COX7A2L: variants seen among roughly 807,000 people sequenced by gnomAD.
COX7A2L encodes the protein cytochrome c oxidase subunit 7A2 like, also known as cytochrome c oxidase subunit 7A2-like, mitochondrial.
COX7A2L carries 18 observed loss-of-function variants against 14.2 expected under a neutral mutation model. The observed-to-expected ratio is 1.27, with a 90% CI of 0.88 to 1.88. The LOEUF is 1.88. Among genes scored for constraint, COX7A2L ranks in the 40% most tolerant of loss-of-function variants. The pLI, the probability that COX7A2L is intolerant of heterozygous loss-of-function variation, is 0.00. For synonymous variants in COX7A2L, 65 were observed against 57.4 expected (o/e 1.13, Z -0.60); for missense variants, 179 against 138.8 (o/e 1.29, Z -1.46).
chr2:42,361,046 G>A, intron 1 of COX7A2L, 44 bp downstream of exon 1: 1 of 1,604,992 alleles, frequency 6.2e-7, no homozygotes, highest in Non-Finnish European at 8.5e-7. Flanking sequence ...CCGAGGCTAG[G>A]GCCGCCACTT....
chr2:42,345,279 A>C (rs577244537), downstream of COX7A2L, among the ~76,000 whole-genome samples: 54 of 152,084 alleles, frequency 3.6e-4, no homozygotes, highest in Non-Finnish European at 4.1e-4. Context: ...GCTACTCAGG[A>C]GGCTGAGGCA....
chr2:42,350,517 T>C lies in COX7A2L; in HGVS notation c.*702A>G, dbSNP rs993543516. 1 of 152,216 alleles carries C rather than the reference T, an allele frequency of 6.6e-6. No individual in the cohort carries two copies. The highest frequency in any genetic ancestry group is 2.4e-5 in the African/African-American group (1 of 41,436). The allele number at this position is 152,216 out of a possible 1,614,324, so 9.4% of individuals were successfully genotyped here. A position where few individuals can be genotyped will look rare whatever the true frequency, so the allele number is the denominator to read the frequency against. ...AAACTTAAAATTTTTCATTCATGTA[T>C]TTATTCCACAGTCAAAATAAATCAA... On this transcript the variant is annotated 3_prime_UTR_variant, in exon 3 of 3. Coordinates refer to ENST00000234301, the MANE Select transcript of COX7A2L (RefSeq NM_004718.4).
intron 1 of COX7A2L, among the ~76,000 whole-genome samples, chr2:42,358,127 G>A (rs1022207411): frequency 2.2e-4 from 34 of 152,130 alleles, no homozygotes; most frequent in Non-Finnish European, 8.8e-5. Context: ...AACATGTTTC[G>A]TTTCTCTACA....
upstream of COX7A2L, chr2:42,361,493 G>A (rs1476587047): frequency 1.4e-5 from 3 of 221,394 alleles, no homozygotes; most frequent in Middle Eastern, 4.3e-4. Context: ...GCGCTCCACG[G>A]ACTAAGCCCG....
upstream of COX7A2L, among the ~76,000 whole-genome samples, chr2:42,362,234 G>A (rs1361574585): frequency 6.6e-6 from 1 of 152,178 alleles, no homozygotes; most frequent in Admixed American, 6.5e-5. Flanking sequence ...TGTCTGTTAA[G>A]CCTGTGCTGT....
intron 2 of COX7A2L, among the ~76,000 whole-genome samples, chr2:42,336,797 C>T (rs1185326807): frequency 1.3e-5 from 2 of 149,032 alleles, no homozygotes; most frequent in Non-Finnish European, 3.0e-5. Flanking sequence ...GTTGCCACCA[C>T]CTTCAAAGTG....
rs1198582581 is a variant in COX7A2L at position 42,351,446 on chromosome 2, GGTAA to G, written c.205-91_205-88del. On this transcript the variant is annotated intron_variant, in intron 2 of 2. Transcript: ENST00000234301. ...TAAAAAATAACAAATTTGTCTACTC[GGTAA>G]GTAATTCATCAACACATGACAGTGG... 8 of 1,467,112 alleles carry G rather than the reference GGTAA, an allele frequency of 5.5e-6. No homozygotes were observed. In the South Asian group the frequency reaches 6.5e-5, roughly 12 times the overall value. 90.9% of individuals were successfully genotyped at this position (1,467,112 alleles called of 1,614,324 possible).
chr2:42,340,535 G>A (rs1670381377), intron 2 of COX7A2L, among the ~76,000 whole-genome samples: 1 of 152,100 alleles, frequency 6.6e-6, no homozygotes, highest in Non-Finnish European at 1.5e-5. Context: ...CTCGGGCCTG[G>A]CCCCAGGAAT....
At position 42,358,337 on chromosome 2, in the gene COX7A2L, T is replaced by A. The variant is rs541345713; in HGVS notation, c.72+2753A>T. 5.9e-5 allele frequency among the ~76,000 whole-genome samples: 9 copies of A among 152,356 alleles called. No individual in the cohort carries two copies. The South Asian group carries it at 1.9e-3, about 32-fold the overall frequency. On this transcript the variant is annotated intron_variant, in intron 1 of 2. Coordinates refer to ENST00000234301, the MANE Select transcript of COX7A2L (RefSeq NM_004718.4). ...GCCTTTCAACCAATGGAAAATGCCATCCCACCAACTGCTTGCTGTCAAGCT... is the reference window on the plus strand; with the variant it reads ...GCCTTTCAACCAATGGAAAATGCCAACCCACCAACTGCTTGCTGTCAAGCT...
intron 1 of COX7A2L, among the ~76,000 whole-genome samples, chr2:42,356,082 T>C (rs1670810232): frequency 6.6e-6 from 1 of 152,168 alleles, no homozygotes; most frequent in Non-Finnish European, 1.5e-5. Flanking sequence ...CAGGCTGGAG[T>C]GCAGTGGCGT....
chr2:42,360,808 C>A, intron 1 of COX7A2L: 1 of 458,494 alleles, frequency 2.2e-6, no homozygotes, highest in South Asian at 2.5e-5. Flanking sequence ...CCCCCACAAA[C>A]CATCCCTTTT....
At chr2:42,357,412 G>A (rs1558634612) in intron 1 of COX7A2L, among the ~76,000 whole-genome samples, 1 of 152,124 alleles carries the variant, frequency 6.6e-6, no homozygotes, top group Non-Finnish European at 1.5e-5. Flanking sequence ...AGGCTCAAGT[G>A]ATCCTTCCGC....
downstream of COX7A2L, among the ~76,000 whole-genome samples, chr2:42,344,635 G>A (rs369487330): frequency 2.0e-5 from 3 of 151,880 alleles, no homozygotes; most frequent in East Asian, 3.9e-4. Context: ...GGCAGATCCC[G>A]AGGTCAGGAG....
intron 2 of COX7A2L, among the ~76,000 whole-genome samples, chr2:42,340,380 C>T (rs1159233678): frequency 3.9e-5 from 6 of 152,208 alleles, no homozygotes; most frequent in Non-Finnish European, 8.8e-5. Context: ...TCTTAATTAT[C>T]AATTGTTGTA....
At chr2:42,363,359 G>C (rs1327678124), upstream of COX7A2L, among the ~76,000 whole-genome samples, 3 of 152,178 alleles carry the variant, frequency 2.0e-5, no homozygotes, top group Non-Finnish European at 4.4e-5. Flanking sequence ...AATGATTTGG[G>C]ACAGCTACTG....
intron 2 of COX7A2L, among the ~76,000 whole-genome samples, chr2:42,351,912 G>C (rs180884465): frequency 6.6e-6 from 1 of 152,194 alleles, no homozygotes; most frequent in African/African-American, 2.4e-5. Flanking sequence ...GAGCCCAAGA[G>C]GTCAAGGATG....
intron 2 of COX7A2L, among the ~76,000 whole-genome samples, chr2:42,335,999 G>A (rs1670262497): frequency 6.6e-6 from 1 of 152,186 alleles, no homozygotes; most frequent in Non-Finnish European, 1.5e-5. Context: ...CTCTGACCAT[G>A]GGCACAGAAG....
At chr2:42,363,875 G>A (rs1287977373), upstream of COX7A2L, among the ~76,000 whole-genome samples, 1 of 152,148 alleles carries the variant, frequency 6.6e-6, no homozygotes, top group East Asian at 1.9e-4. Context: ...TCCAGCTCCT[G>A]GTGAATCTGA....
rs1670590161 is a variant in COX7A2L, at chr2:42,350,036, T to C, written c.*1183A>G. Reference sequence around the variant, plus strand: ...TTTCAAAATAAAAACTTGGAGGAAATACCAGAGAATAAAATTTAGATTTGC... The same window carrying C: ...TTTCAAAATAAAAACTTGGAGGAAACACCAGAGAATAAAATTTAGATTTGC... On this transcript the variant is annotated 3_prime_UTR_variant, in exon 3 of 3. Coordinates refer to ENST00000234301, the MANE Select transcript of COX7A2L (RefSeq NM_004718.4). 6.6e-6 allele frequency: 1 copy of C among 150,658 alleles called. No homozygotes were observed. Among genetic ancestry groups the C allele is most frequent in the Non-Finnish European group, 1.5e-5 (1 of 67,760 alleles). The allele number at this position is 150,658 out of a possible 1,614,324, so 9.3% of individuals were successfully genotyped here. A position where few individuals can be genotyped will look rare whatever the true frequency, so the allele number is the denominator to read the frequency against.
Sources: allele counts gnomAD v4.1 joint callset (sites outside exome capture counted in the v4.1 genomes callset), GRCh38; gene constraint gnomAD v4.1.1; transcripts MANE v1.5; gene names NCBI Gene and HGNC (gene_info 2026-07-23, HGNC 2026-07-21).